PCBP2: variants seen among roughly 807,000 people sequenced by gnomAD.
PCBP2 encodes the protein poly(rC)-binding protein 2.
PCBP2 carries 4 observed loss-of-function variants against 50.1 expected under a neutral mutation model. The observed-to-expected ratio is 0.08, with a 90% CI of 0.04 to 0.18. PCBP2 has a LOEUF of 0.18. Ranked by LOEUF, PCBP2 falls within the 10% of genes least tolerant of loss-of-function variation. The probability of loss-of-function intolerance (pLI) is 1.00; values close to 1 mark genes in which losing one functional copy is unlikely to be tolerated. For synonymous variants in PCBP2, 179 were observed against 168.0 expected, an observed-to-expected ratio of 1.07 and a Z score of -0.51; for missense variants, 161 against 474.3, an observed-to-expected ratio of 0.34 and a Z score of 6.14.
intron 8 of PCBP2, 22 bp downstream of exon 8, chr12:53,462,589 G>T (rs772924017): frequency 3.1e-5 from 49 of 1,586,052 alleles, no homozygotes; most frequent in Non-Finnish European, 3.8e-5. Flanking sequence ...CTCATTTGTG[G>T]GCTAGAATGA....
rs751408725 is a variant in PCBP2, at chr12:53,461,051, C to T, written c.412C>T (p.Leu138=). 1 of 1,613,834 alleles carries T rather than the reference C, an allele frequency of 6.2e-7. No homozygotes were observed. Among genetic ancestry groups the T allele is most frequent in the Non-Finnish European group, 8.5e-7 (1 of 1,179,956 alleles). ...GAQVQVAGDM[L]PNSTERAITI... is the part of the protein sequence containing the mutation. ...TCAGGTCCAGGTGGCAGGGGATATGCTACCCAACTCAACTGAGCGGGCCAT... is the reference window on the plus strand; with the variant it reads ...TCAGGTCCAGGTGGCAGGGGATATGTTACCCAACTCAACTGAGCGGGCCAT... The change falls in exon 7 of 15, where the codon CTA becomes TTA. Residue 138 remains leucine (L), a synonymous_variant. Transcript: ENST00000546463.
intron 5 of PCBP2, among the ~76,000 whole-genome samples, chr12:53,457,971 C>T (rs1318028443): frequency 6.6e-6 from 1 of 152,174 alleles, no homozygotes; most frequent in African/African-American, 2.4e-5. Context: ...CCTTGTCGCC[C>T]AGGCTGGAGT....
At chr12:53,464,595 CTTTT>C in intron 8 of PCBP2, 161 bp from the exon 9 acceptor site, 1 of 879,640 alleles carries the variant, frequency 1.1e-6, no homozygotes, top group Non-Finnish European at 1.6e-6. Flanking sequence ...CACTAGGTAA[CTTTT>C]TTTTTTAATT....
At chr12:53,475,617 G>GTT (rs1441615691) in intron 14 of PCBP2, 53 of 164,634 alleles carry the variant, frequency 3.2e-4, no homozygotes, top group Admixed American at 2.7e-3. Context: ...CCATATTTGT[G>GTT]TTTCTAGCTG....
chr12:53,459,213 T>G (rs1941266758), intron 5 of PCBP2, 59 bp from the exon 6 acceptor site: 1 of 1,493,950 alleles, frequency 6.7e-7, no homozygotes, highest in Non-Finnish European at 9.0e-7. Flanking sequence ...AAGTGGTTCT[T>G]TAATGGCAGT....
Position 53,465,984 on chromosome 12 carries a change from T to C in PCBP2, c.714+11T>C, listed in dbSNP as rs1451113403. 1 of 1,613,162 alleles carries C rather than the reference T, an allele frequency of 6.2e-7. No homozygotes were observed. The highest frequency in any genetic ancestry group is 1.1e-5 in the South Asian group (1 of 91,068). Reference sequence around the variant, plus strand: ...ATTCCACAGCCAGATGTAAGTTTTGTTTTCACTTCTTGTTTTGAAAAGCTC... The same window carrying C: ...ATTCCACAGCCAGATGTAAGTTTTGCTTTCACTTCTTGTTTTGAAAAGCTC... On this transcript the variant is annotated intron_variant, in intron 10 of 14. Transcript: ENST00000546463.
chr12:53,472,789 AT>A (rs1337047957), intron 14 of PCBP2, among the ~76,000 whole-genome samples: 1 of 152,106 alleles, frequency 6.6e-6, no homozygotes, highest in Non-Finnish European at 1.5e-5. Flanking sequence ...AGAACATACC[AT>A]TTCCCCAGTA....
In PCBP2 at chr12:53,468,863, A is replaced by G. The variant is rs546639807; in HGVS notation, c.882+31A>G. ...TGTAGTTAGGTTGCATGGGATGAAA[A>G]TAAGAAAATAGACTGTAAAGAAATA... On this transcript the variant is annotated intron_variant, in intron 13 of 14. Transcript: ENST00000546463. The G allele has an allele frequency of 2.3e-5, 34 of 1,498,220 alleles. No homozygotes were observed. In the South Asian group the frequency reaches 3.6e-4, roughly 16 times the overall value. 92.8% of individuals were successfully genotyped at this position (1,498,220 alleles called of 1,614,324 possible). A position where few individuals can be genotyped will look rare whatever the true frequency, so the allele number is the denominator to read the frequency against.
At chr12:53,461,302 C>T (rs1000180832) in intron 7 of PCBP2, among the ~76,000 whole-genome samples, 159 bp downstream of exon 7, 1 of 152,142 alleles carries the variant, frequency 6.6e-6, no homozygotes, top group African/African-American at 2.4e-5. Context: ...CTTCCCCTAG[C>T]TTTGACTTTT....
At position 53,452,150 on chromosome 12, in the gene PCBP2, T is replaced by TCCCGCCCGCCCGCCCTCCGCCCGCCCG. The variant is rs1195415295; in HGVS notation, c.-294_-268dup. 1 of 51,134 alleles carries TCCCGCCCGCCCGCCCTCCGCCCGCCCG rather than the reference T, an allele frequency of 2.0e-5. No individual in the cohort carries two copies. The highest frequency in any genetic ancestry group is 3.7e-5 in the Non-Finnish European group (1 of 27,368). 3.2% of individuals were successfully genotyped at this position (51,134 alleles called of 1,614,324 possible). A position where few individuals can be genotyped will look rare whatever the true frequency, so the allele number is the denominator to read the frequency against. On this transcript the variant is annotated 5_prime_UTR_variant, in exon 1 of 15. Coordinates refer to ENST00000546463, the MANE Select transcript of PCBP2 (RefSeq NM_031989.5). ...CGGAGCAGCCGCAGCCTGCGCCCTC[T>TCCCGCCCGCCCGCCCTCCGCCCGCCCG]CCCGCCCGCCCGCCCTCCGCCCGCC...
chr12:53,460,057 G>A (rs1565860611), intron 6 of PCBP2: 2 of 228,022 alleles, frequency 8.8e-6, no homozygotes, highest in South Asian at 8.6e-5. Context: ...ACACTTGCTT[G>A]CCTGCAGCGT....
chr12:53,457,312 A>G (rs974241678), intron 5 of PCBP2, among the ~76,000 whole-genome samples: 7 of 152,140 alleles, frequency 4.6e-5, no homozygotes, highest in Non-Finnish European at 7.4e-5. Flanking sequence ...TTCGCCTCCC[A>G]AAGTGTTGGG....
chr12:53,461,002 T>C lies in PCBP2; in HGVS notation c.376-13T>C. 2 of 1,612,208 alleles carry C rather than the reference T, an allele frequency of 1.2e-6. No individual in the cohort carries two copies. Among genetic ancestry groups the C allele is most frequent in the Non-Finnish European group, 1.7e-6 (2 of 1,179,536 alleles). ...TGTTTTTCTCTGATTTTGAATTTCT[T>C]TTTACTCCAAAGAGTACAGGGGCTC... On this transcript the variant is annotated splice_polypyrimidine_tract_variant and intron_variant, in intron 6 of 14. Transcript: ENST00000546463.
intron 6 of PCBP2, 97 bp downstream of exon 6, chr12:53,459,500 T>A (rs1941286895): frequency 9.4e-7 from 1 of 1,058,388 alleles, no homozygotes; most frequent in Non-Finnish European, 1.4e-6. Context: ...ATGAAGATTT[T>A]TATTGAAGTA....
At chr12:53,457,579 C>T (rs981533199) in intron 5 of PCBP2, among the ~76,000 whole-genome samples, 1 of 151,296 alleles carries the variant, frequency 6.6e-6, no homozygotes, top group Non-Finnish European at 1.5e-5. Context: ...CTCTTGGGCT[C>T]AAGCAATCCT....
intron 2 of PCBP2, 140 bp downstream of exon 2, chr12:53,455,009 A>C: frequency 1.3e-6 from 1 of 757,230 alleles, no homozygotes; most frequent in South Asian, 1.6e-5. Flanking sequence ...AGTAGAAGTG[A>C]GTGTAGTGGG....
At chr12:53,459,540 A>T (rs1941290369) in intron 6 of PCBP2, 137 bp downstream of exon 6, 2 of 605,594 alleles carry the variant, frequency 3.3e-6, no homozygotes, top group Non-Finnish European at 5.4e-6. Flanking sequence ...ATGTGATTGT[A>T]CTGAAAATAA....
chr12:53,476,509 A>G (rs1207928094), intron 14 of PCBP2, among the ~76,000 whole-genome samples: 2 of 152,198 alleles, frequency 1.3e-5, no homozygotes, highest in African/African-American at 4.8e-5. Context: ...GTATGGTGGT[A>G]TAAGGCCTCT....
rs572864744 is a variant in PCBP2, at chr12:53,462,519, G to T, written c.531G>T (p.Pro177=). The change falls in exon 8 of 15, where the codon CCG becomes CCT. Residue 177 remains proline (P), a synonymous_variant. Coordinates refer to ENST00000546463, the MANE Select transcript of PCBP2 (RefSeq NM_031989.5). ...LESPPKGVTI[P]YRPKPSSSPV... Reference sequence around the variant, plus strand: ...CCCCCCCGAAGGGCGTGACCATCCCGTACCGGCCCAAGCCGTCCAGCTCTC... The same window carrying T: ...CCCCCCCGAAGGGCGTGACCATCCCTTACCGGCCCAAGCCGTCCAGCTCTC... The T allele has an allele frequency of 4.3e-6, 7 of 1,612,498 alleles. No individual in the cohort carries two copies. The highest frequency in any genetic ancestry group is 5.1e-6 in the Non-Finnish European group (6 of 1,179,066).
Sources: allele counts gnomAD v4.1 joint callset (sites outside exome capture counted in the v4.1 genomes callset), GRCh38; gene constraint gnomAD v4.1.1; transcripts MANE v1.5; gene names NCBI Gene and HGNC (gene_info 2026-07-23, HGNC 2026-07-21).